The following RBFOX2 variants were observed in gnomAD, a reference collection of about 807,000 sequenced individuals.
RBFOX2 encodes RNA binding protein fox-1 homolog 2.
In RBFOX2, 10 loss-of-function variants were observed where a neutral mutation model predicts 49.1. That is an observed-to-expected ratio of 0.20 (90% CI 0.13 to 0.35). The LOEUF is 0.35. RBFOX2 is among the 10% of genes least tolerant of loss of function. RBFOX2 has a pLI of 1.00. For synonymous variants in RBFOX2, 183 were observed against 187.4 expected (o/e 0.98, Z 0.19); for missense variants, 323 against 486.9 (o/e 0.66, Z 3.17).
chr22:35,877,873 T>TA (rs1191754895), intron 1 of RBFOX2, among the ~76,000 whole-genome samples: 2 of 151,740 alleles, frequency 1.3e-5, no homozygotes, highest in South Asian at 2.1e-4. Flanking sequence ...AAATCACAGG[T>TA]AAAAAAACCT....
intron 9 of RBFOX2, chr22:35,752,595 T>TCA (rs1320836884): frequency 1.0e-6 from 1 of 975,144 alleles, no homozygotes; most frequent in Non-Finnish European, 1.2e-6. Flanking sequence ...GATTGGCAGG[T>TCA]CACACTGGCA....
At chr22:35,952,284 CTTTATAGCCTTTTACTAG>C (rs1462872763) in intron 1 of RBFOX2, among the ~76,000 whole-genome samples, 3 of 152,206 alleles carry the variant, frequency 2.0e-5, no homozygotes, top group Non-Finnish European at 4.4e-5. Flanking sequence ...GCTGACATTG[CTTTATAGCCTTTTACTAG>C]TATAAAGCAT....
chr22:35,984,663 G>C (rs1464712415), intron 1 of RBFOX2, among the ~76,000 whole-genome samples: 1 of 152,062 alleles, frequency 6.6e-6, no homozygotes, highest in African/African-American at 2.4e-5. Flanking sequence ...CAAAGATCTA[G>C]AGTCCTTCAA....
chr22:35,865,021 C>T (rs2149122413), intron 1 of RBFOX2, among the ~76,000 whole-genome samples: 1 of 152,324 alleles, frequency 6.6e-6, no homozygotes, highest in South Asian at 2.1e-4. Flanking sequence ...AATACTAATG[C>T]TACTCTGCAG....
chr22:35,762,219 T>C (rs890338360), intron 6 of RBFOX2, among the ~76,000 whole-genome samples: 3 of 152,220 alleles, frequency 2.0e-5, no homozygotes, highest in South Asian at 2.1e-4. Context: ...AATAACATTA[T>C]GTTTAATGTC....
At chr22:35,745,952 G>T (rs1932528972) in exon 11 of RBFOX2, 6 of 1,614,010 alleles carry the variant, frequency 3.7e-6, no homozygotes, top group African/African-American at 1.3e-5. Flanking sequence ...CTAGCGGCAG[G>T]GGCAAGGGCA....
At chr22:35,833,874 A>G (rs1957202281) in intron 1 of RBFOX2, among the ~76,000 whole-genome samples, 1 of 152,094 alleles carries the variant, frequency 6.6e-6, no homozygotes, top group Non-Finnish European at 1.5e-5. Context: ...AATGCACAGT[A>G]TGTGCTCTGC....
At chr22:35,764,451 G>A (rs1211078962) in intron 6 of RBFOX2, among the ~76,000 whole-genome samples, 1 of 151,980 alleles carries the variant, frequency 6.6e-6, no homozygotes, top group African/African-American at 2.4e-5. Context: ...AGGTGTGGTG[G>A]CGGGCGCCTG....
intron 9 of RBFOX2, among the ~76,000 whole-genome samples, chr22:35,753,849 C>T (rs549292155): frequency 1.1e-4 from 13 of 123,424 alleles, no homozygotes; most frequent in African/African-American, 3.9e-4. Flanking sequence ...GTGGTGCAAT[C>T]TCGGCTCACT....
chr22:36,024,733 C>G (rs2059368499), intron 1 of RBFOX2, among the ~76,000 whole-genome samples: 1 of 150,948 alleles, frequency 6.6e-6, no homozygotes, highest in Non-Finnish European at 1.5e-5. Context: ...AGTGAGACTC[C>G]ATCTCAAAAA....
intron 1 of RBFOX2, among the ~76,000 whole-genome samples, chr22:35,811,339 T>C (rs891278307): frequency 6.6e-6 from 1 of 152,122 alleles, no homozygotes; most frequent in Admixed American, 6.6e-5. Flanking sequence ...AAAAAGGTAA[T>C]TAAAGTGATG....
exon 12 of RBFOX2, chr22:35,738,861 A>G (rs1352116780): frequency 1.3e-5 from 2 of 152,652 alleles, no homozygotes; most frequent in Non-Finnish European, 2.9e-5. Context: ...ACACATGGAG[A>G]GTAATACAAA....
chr22:35,910,087 A>C (rs1298625688), intron 1 of RBFOX2, among the ~76,000 whole-genome samples: 1 of 152,208 alleles, frequency 6.6e-6, no homozygotes. Context: ...TTTAACTTTT[A>C]TACTTAAAAT....
At chr22:35,765,744 T>G (rs1469430022) in intron 5 of RBFOX2, among the ~76,000 whole-genome samples, 1 of 152,132 alleles carries the variant, frequency 6.6e-6, no homozygotes, top group Non-Finnish European at 1.5e-5. Context: ...GCAAGATCTT[T>G]GGACATCTTT....
At chr22:35,913,067 T>C (rs2050002216) in intron 1 of RBFOX2, among the ~76,000 whole-genome samples, 1 of 152,194 alleles carries the variant, frequency 6.6e-6, no homozygotes, top group African/African-American at 2.4e-5. Flanking sequence ...CAGAAAATGA[T>C]TTATTGGCAA....
At chr22:36,013,677 A>C (rs934818406) in intron 1 of RBFOX2, among the ~76,000 whole-genome samples, 5 of 151,350 alleles carry the variant, frequency 3.3e-5, no homozygotes, top group African/African-American at 1.2e-4. Context: ...AGAGACCACT[A>C]ATGAAAACTT....
At chr22:35,780,670 T>A (rs1254386562) in intron 3 of RBFOX2, among the ~76,000 whole-genome samples, 4 of 152,232 alleles carry the variant, frequency 2.6e-5, no homozygotes, top group Admixed American at 2.0e-4. Context: ...TGAGGTACTG[T>A]TTTCACAAAT....
intron 1 of RBFOX2, among the ~76,000 whole-genome samples, chr22:35,909,093 C>T (rs912556217): frequency 2.0e-5 from 3 of 152,184 alleles, no homozygotes; most frequent in South Asian, 2.1e-4. Context: ...CTGCCCACCT[C>T]GGCCTCCCGA....
chr22:35,946,450 A>T (rs1367442386), intron 1 of RBFOX2, among the ~76,000 whole-genome samples: 1 of 152,220 alleles, frequency 6.6e-6, no homozygotes, highest in East Asian at 1.9e-4. Context: ...AAATTTTCTC[A>T]ACTGTGTAAT....
Sources: gnomAD v4.1 joint callset for allele counts (sites outside exome capture counted in the v4.1 genomes callset) on GRCh38, gnomAD v4.1.1 for gene constraint, MANE v1.5 for transcripts, NCBI Gene and HGNC (gene_info 2026-07-23, HGNC 2026-07-21) for gene names.